OPCML: variants seen among roughly 807,000 people sequenced by gnomAD.
OPCML encodes opioid binding protein/cell adhesion molecule like.
A neutral mutation model predicts 37.8 loss-of-function variants in OPCML; 13 were observed. The observed-to-expected ratio is 0.34, with a 90% CI of 0.22 to 0.55. OPCML has a LOEUF of 0.55. OPCML is among the 20% of genes least tolerant of loss of function. The probability of loss-of-function intolerance (pLI) is 0.91; values close to 1 mark genes in which losing one functional copy is unlikely to be tolerated. For missense variants in OPCML, 341 were observed against 435.6 expected (o/e 0.78, Z 1.93); for synonymous variants, 176 against 168.8 (o/e 1.04, Z -0.33).
At chr11:132,869,758 G>A (rs1942723222) in intron 2 of OPCML, among the ~76,000 whole-genome samples, 1 of 152,134 alleles carries the variant, frequency 6.6e-6, no homozygotes, top group Non-Finnish European at 1.5e-5. Flanking sequence ...AGTGTCCCAA[G>A]CACACTCTAC....
At chr11:133,310,899 G>A (rs1324601532) in intron 1 of OPCML, among the ~76,000 whole-genome samples, 1 of 152,134 alleles carries the variant, frequency 6.6e-6, no homozygotes, top group African/African-American at 2.4e-5. Flanking sequence ...GCTTTGTTCT[G>A]GAAAACAGTG....
chr11:132,493,494 C>A (rs2096222331), intron 4 of OPCML, among the ~76,000 whole-genome samples: 1 of 152,182 alleles, frequency 6.6e-6, no homozygotes, highest in Non-Finnish European at 1.5e-5. Flanking sequence ...AGCTTTTAAT[C>A]CAGGCTGCCT....
chr11:133,284,724 T>C (rs57227125), intron 1 of OPCML, among the ~76,000 whole-genome samples: 38,597 of 151,854 alleles, frequency 0.25, 5,909 homozygotes, highest in East Asian at 0.73. Context: ...GAACAGAACA[T>C]ACATGTAAGT....
chr11:132,979,258 C>A (rs987977081), intron 1 of OPCML, among the ~76,000 whole-genome samples: 1 of 152,174 alleles, frequency 6.6e-6, no homozygotes, highest in Non-Finnish European at 1.5e-5. Context: ...CTGTTTAAAG[C>A]AAGTCTGTTC....
intron 1 of OPCML, among the ~76,000 whole-genome samples, chr11:133,194,105 T>C (rs564855288): frequency 2.6e-5 from 4 of 152,206 alleles, no homozygotes; most frequent in South Asian, 2.1e-4. Flanking sequence ...GAAGCTAATA[T>C]ACCTTGATGT....
In OPCML at chr11:132,435,257, T is replaced by C. The variant is rs555708975; in HGVS notation, c.916+829A>G. 13 of 1,289,018 alleles carry C rather than the reference T, an allele frequency of 1.0e-5. No individual in the cohort carries two copies. In the African/African-American group the frequency reaches 1.8e-4, roughly 18 times the overall value. 79.8% of individuals were successfully genotyped at this position (1,289,018 alleles called of 1,614,324 possible). ...AAAGACATAGATCACACATTTCAGA[T>C]GGTTGGTGGACAAAGTTTACTTAAT... On this transcript the variant is annotated intron_variant, in intron 7 of 7. Transcript: ENST00000524381.
At chr11:133,322,353 G>A (rs568005099) in intron 1 of OPCML, among the ~76,000 whole-genome samples, 34 of 152,280 alleles carry the variant, frequency 2.2e-4, no homozygotes, top group Middle Eastern at 3.4e-3. Flanking sequence ...TGCACATCCC[G>A]CACACAAACA....
chr11:133,502,278 T>C (rs1235575083), intron 1 of OPCML, among the ~76,000 whole-genome samples: 1 of 152,090 alleles, frequency 6.6e-6, no homozygotes. Context: ...AGCAGCGGCT[T>C]AGAGCCCACC....
At chr11:133,153,807 G>A (rs973310713) in intron 1 of OPCML, among the ~76,000 whole-genome samples, 11 of 152,028 alleles carry the variant, frequency 7.2e-5, no homozygotes, top group Non-Finnish European at 2.9e-5. Flanking sequence ...CCTGGGAAAC[G>A]TGCTTCTCAG....
At chr11:133,121,688 A>C (rs476637) in intron 1 of OPCML, among the ~76,000 whole-genome samples, 111,379 of 152,100 alleles carry the variant, frequency 0.73, 40,922 homozygotes, top group East Asian at 0.8. Context: ...TCTCATAAAT[A>C]TTTTAATTTA....
intron 1 of OPCML, among the ~76,000 whole-genome samples, chr11:133,106,598 G>T (rs889913156): frequency 6.6e-6 from 1 of 152,194 alleles, no homozygotes; most frequent in Admixed American, 6.5e-5. Flanking sequence ...GATGGCAAAT[G>T]GGATGATGGT....
At position 133,421,287 on chromosome 11, in the gene OPCML, T is replaced by C. The variant is rs182111366; in HGVS notation, c.61+110977A>G. The C allele has an allele frequency of 4.3e-5, 42 of 985,348 alleles. No individual in the cohort carries two copies. The East Asian group carries it at 3.0e-3, about 69-fold the overall frequency. 61.0% of individuals were successfully genotyped at this position (985,348 alleles called of 1,614,324 possible). A position where few individuals can be genotyped will look rare whatever the true frequency, so the allele number is the denominator to read the frequency against. Reference sequence around the variant, plus strand: ...CAAACGTGAGTGGAAAGGCATCATTTGTAGAATGTGGTCAGCTGTGGGCTC... The same window carrying C: ...CAAACGTGAGTGGAAAGGCATCATTCGTAGAATGTGGTCAGCTGTGGGCTC... On this transcript the variant is annotated intron_variant, in intron 1 of 7. Coordinates refer to ENST00000524381, the MANE Select transcript of OPCML (RefSeq NM_001012393.5).
intron 4 of OPCML, among the ~76,000 whole-genome samples, chr11:132,468,260 C>G (rs1278651471): frequency 6.6e-6 from 1 of 152,160 alleles, no homozygotes; most frequent in Non-Finnish European, 1.5e-5. Flanking sequence ...CCCCTGTAGC[C>G]AAAGTACACC....
At chr11:132,927,716 T>C (rs1945044375) in intron 2 of OPCML, among the ~76,000 whole-genome samples, 1 of 152,088 alleles carries the variant, frequency 6.6e-6, no homozygotes, top group Non-Finnish European at 1.5e-5. Flanking sequence ...ATAACTCCAA[T>C]TTTATTCTTT....
At chr11:133,406,361 T>C (rs1002347387) in intron 1 of OPCML, among the ~76,000 whole-genome samples, 10 of 152,048 alleles carry the variant, frequency 6.6e-5, no homozygotes, top group African/African-American at 2.4e-4. Flanking sequence ...ACCATTCTCC[T>C]TCCATGCAGA....
chr11:132,616,178 T>A lies in OPCML; in HGVS notation c.379+40909A>T, dbSNP rs533982367. On this transcript the variant is annotated intron_variant, in intron 3 of 7. Transcript: ENST00000524381. The stretch of plus-strand genomic sequence containing the variant: ...TTTGGAGACATGGCTTTCAGTGTGT[T>A]TTAAAATGAGATATGAACTATTTTT... Among the ~76,000 whole-genome samples, 4 of 152,340 alleles carry A rather than the reference T, an allele frequency of 2.6e-5. No individual in the cohort carries two copies. In the South Asian group the frequency reaches 8.3e-4, roughly 32 times the overall value.
intron 1 of OPCML, among the ~76,000 whole-genome samples, chr11:133,037,348 G>T (rs1293493442): frequency 1.3e-5 from 2 of 152,146 alleles, no homozygotes; most frequent in African/African-American, 4.8e-5. Context: ...TCTTTATCTT[G>T]CATGGTACTG....
rs574440442 is a variant in OPCML at position 132,748,512 on chromosome 11, A to G, written c.147-91193T>C. 5.3e-5 allele frequency among the ~76,000 whole-genome samples: 8 copies of G among 152,310 alleles called. No individual in the cohort carries two copies. The East Asian group carries it at 9.7e-4, about 18-fold the overall frequency. On this transcript the variant is annotated intron_variant, in intron 2 of 7. Transcript: ENST00000524381. ...ATGTTGTTCTCAAGAAAAGTAACGT[A>G]GGAAAATAGAATAGAGAGTGAAGCA...
intron 2 of OPCML, among the ~76,000 whole-genome samples, chr11:132,880,014 C>T (rs909329963): frequency 6.6e-6 from 1 of 152,132 alleles, no homozygotes; most frequent in African/African-American, 2.4e-5. Context: ...GAGGTGTAAT[C>T]GGCTCACTTC....
Sources: allele counts gnomAD v4.1 joint callset (sites outside exome capture counted in the v4.1 genomes callset), GRCh38; gene constraint gnomAD v4.1.1; transcripts MANE v1.5; gene names NCBI Gene and HGNC (gene_info 2026-07-23, HGNC 2026-07-21).